The following MAPK10 variants were observed in gnomAD, a reference collection of about 807,000 sequenced individuals.
MAPK10 encodes the protein JNK3 alpha protein kinase.
Under a neutral mutation model 59.3 loss-of-function variants are expected in MAPK10, and 25 were observed. That is an observed-to-expected ratio of 0.42 (90% CI 0.31 to 0.59). The LOEUF (loss-of-function observed/expected upper bound fraction) is 0.59, where lower values mean the gene tolerates loss of function less well. Among genes scored for constraint, MAPK10 ranks in the 20% least tolerant of loss-of-function variants. MAPK10 has a pLI of 0.15. For synonymous variants in MAPK10, 190 were observed against 200.5 expected (o/e 0.95, Z 0.44); for missense variants, 351 against 568.9 (o/e 0.62, Z 3.90).
chr4:86,544,815 A>T (rs970299039), intron 1 of MAPK10, among the ~76,000 whole-genome samples: 1 of 152,110 alleles, frequency 6.6e-6, no homozygotes, highest in South Asian at 2.1e-4. Context: ...TTTTGCTGAC[A>T]TAGCAGCTTC....
At chr4:86,034,873 T>C (rs10856856) in intron 11 of MAPK10, among the ~76,000 whole-genome samples, 55,462 of 151,942 alleles carry the variant, frequency 0.37, 10,735 homozygotes, top group African/African-American at 0.47. Flanking sequence ...TAAGCCAAGT[T>C]ACAGTATGTA....
chr4:86,064,318 G>T lies in MAPK10; in HGVS notation c.1058C>A (p.Ala353Asp), dbSNP rs1337478269. The T allele has an allele frequency of 6.2e-7, 1 of 1,614,046 alleles. No homozygotes were observed. Among genetic ancestry groups the T allele is most frequent in the East Asian group, 2.2e-5 (1 of 44,880 alleles). Residue 353 changes from alanine (A) to aspartate (D), a missense_variant, in exon 11 of 14, where the codon GCC (alanine) becomes GAC (aspartate). Ala to Asp is a moderately radical substitution (Grantham distance 126). This residue lies in a region of MAPK10 where 155 missense variants were observed against 204.2 expected (regional missense o/e 0.76). Transcript: ENST00000641462. ...GACGTTGATGTAGGGATGCTGTAAGGCGTCGTCCACTGATATTCTTTTTGC... is the reference window on the plus strand; with the variant it reads ...GACGTTGATGTAGGGATGCTGTAAGTCGTCGTCCACTGATATTCTTTTTGC... ...DPAKRISVDDALQHPYINVWY... is the reference protein window; with the variant it reads ...DPAKRISVDDDLQHPYINVWY...
chr4:86,446,417 T>C (rs931796408), intron 1 of MAPK10, among the ~76,000 whole-genome samples: 1 of 152,176 alleles, frequency 6.6e-6, no homozygotes, highest in African/African-American at 2.4e-5. Flanking sequence ...AGTCTCACCA[T>C]GTTGCTCTGG....
intron 1 of MAPK10, among the ~76,000 whole-genome samples, chr4:86,574,072 C>T (rs1285294306): frequency 6.6e-6 from 1 of 152,062 alleles, no homozygotes; most frequent in Non-Finnish European, 1.5e-5. Context: ...CACCCCACAA[C>T]AGTCCCCAGA....
chr4:86,426,385 T>G (rs17011890), intron 1 of MAPK10, among the ~76,000 whole-genome samples: 28,183 of 152,190 alleles, frequency 0.19, 2,805 homozygotes, highest in East Asian at 0.25. Context: ...TGCTGTTTTC[T>G]ACTTGAAGTA....
At chr4:86,081,527 G>T (rs2149031006) in intron 9 of MAPK10, 1 of 151,958 alleles carries the variant, frequency 6.6e-6, no homozygotes. Context: ...AGAAAAAAAT[G>T]TGTTCATTCT....
At chr4:86,323,795 T>C (rs1042728980) in intron 2 of MAPK10, among the ~76,000 whole-genome samples, 1 of 152,168 alleles carries the variant, frequency 6.6e-6, no homozygotes, top group African/African-American at 2.4e-5. Context: ...TAATTAAGAG[T>C]TGAACCACTA....
At chr4:86,157,120 C>G (rs557059237) in intron 4 of MAPK10, among the ~76,000 whole-genome samples, 1 of 151,912 alleles carries the variant, frequency 6.6e-6, no homozygotes, top group South Asian at 2.1e-4. Flanking sequence ...TTTAGTATTA[C>G]CTTTTCCCCC....
intron 2 of MAPK10, among the ~76,000 whole-genome samples, chr4:86,334,435 A>C (rs886699211): frequency 6.6e-6 from 1 of 152,164 alleles, no homozygotes; most frequent in Non-Finnish European, 1.5e-5. Flanking sequence ...CAAATGCTCA[A>C]ATCTGCTTGT....
intron 3 of MAPK10, chr4:86,170,923 C>T (rs1265741276): frequency 6.6e-6 from 1 of 151,710 alleles, no homozygotes; most frequent in Non-Finnish European, 1.5e-5. Flanking sequence ...AAGAAACTCA[C>T]TCAAAACCGC....
At chr4:86,446,556 A>C (rs1750066833) in intron 1 of MAPK10, among the ~76,000 whole-genome samples, 1 of 152,080 alleles carries the variant, frequency 6.6e-6, no homozygotes, top group African/African-American at 2.4e-5. Context: ...CACTATAAAC[A>C]TTCATGTGCT....
At chr4:86,124,411 T>C (rs2059742735) in intron 4 of MAPK10, 4 of 151,982 alleles carry the variant, frequency 2.6e-5, no homozygotes, top group Admixed American at 2.6e-4. Flanking sequence ...TTTCTTGGCA[T>C]TTCTCATACT....
intron 1 of MAPK10, among the ~76,000 whole-genome samples, chr4:86,489,992 T>C (rs1754338359): frequency 6.6e-6 from 1 of 152,204 alleles, no homozygotes; most frequent in Non-Finnish European, 1.5e-5. Context: ...AAGCCAAGTA[T>C]GGTTCACATA....
At chr4:86,025,398 G>A (rs1317953294) in intron 13 of MAPK10, 3 of 396,276 alleles carry the variant, frequency 7.6e-6, no homozygotes, top group African/African-American at 4.1e-5. Context: ...GCAATAAACA[G>A]GAGTTCTAAA....
At chr4:86,592,612 T>C (rs916629504) in intron 1 of MAPK10, among the ~76,000 whole-genome samples, 4 of 152,214 alleles carry the variant, frequency 2.6e-5, no homozygotes, top group Admixed American at 6.5e-5. Flanking sequence ...ACCTCCCTGA[T>C]AGATGATCCA....
chr4:86,166,250 A>G (rs982835726), intron 3 of MAPK10, among the ~76,000 whole-genome samples: 1 of 152,228 alleles, frequency 6.6e-6, no homozygotes, highest in African/African-American at 2.4e-5. Context: ...GCAGCTTCTC[A>G]TCTAACTATC....
intron 4 of MAPK10, among the ~76,000 whole-genome samples, chr4:86,107,984 T>A (rs986700408): frequency 3.9e-5 from 6 of 152,110 alleles, no homozygotes; most frequent in Admixed American, 6.6e-5. Context: ...AGCCACATAC[T>A]ATGTCACCCA....
intron 1 of MAPK10, among the ~76,000 whole-genome samples, chr4:86,415,209 G>A (rs1745715699): frequency 1.3e-5 from 2 of 151,496 alleles, no homozygotes; most frequent in Admixed American, 6.6e-5. Flanking sequence ...ATCATGTGGT[G>A]TTTGAAAAGA....
At chr4:86,335,413 G>T (rs1455447476) in intron 2 of MAPK10, among the ~76,000 whole-genome samples, 1 of 152,166 alleles carries the variant, frequency 6.6e-6, no homozygotes, top group Non-Finnish European at 1.5e-5. Context: ...TAATGATTCT[G>T]CCTTAGAGTC....
Sources: gnomAD v4.1 joint callset for allele counts (sites outside exome capture counted in the v4.1 genomes callset) on GRCh38, gnomAD v4.1.1 for gene constraint, gnomAD v4.1.1 regional missense constraint, MANE v1.5 for transcripts, NCBI Gene and HGNC (gene_info 2026-07-23, HGNC 2026-07-21) for gene names.